The following SNTG1 variants were observed in gnomAD, a reference collection of about 807,000 sequenced individuals.
SNTG1 encodes syntrophin gamma 1, also known as gamma-1-syntrophin.
A neutral mutation model predicts 74.7 loss-of-function variants in SNTG1; 39 were observed. That is an observed-to-expected ratio of 0.52 (90% CI 0.40 to 0.68). SNTG1 has a LOEUF of 0.68. SNTG1 is among the 30% of genes least tolerant of loss of function. SNTG1 has a pLI of 0.00. For missense variants in SNTG1, 685 were observed against 609.5 expected, an observed-to-expected ratio of 1.12 and a Z score of -1.30; for synonymous variants, 254 against 217.1, an observed-to-expected ratio of 1.17 and a Z score of -1.49.
Position 50,396,294 on chromosome 8 carries a change from A to G in SNTG1, c.27+2029A>G, listed in dbSNP as rs549859234. Among the ~76,000 whole-genome samples, 16 of 152,350 alleles carry G rather than the reference A, an allele frequency of 1.1e-4. No individual in the cohort carries two copies. The South Asian group carries it at 3.3e-3, about 32-fold the overall frequency. On this transcript the variant is annotated intron_variant, in intron 3 of 18. Transcript: ENST00000642720. ...ACTATATGTGATGCCAAAAGACAAT[A>G]GTGATCAATTTTGGGGTAAATATTT...
At chr8:50,301,836 GT>G (rs2089661233) in intron 2 of SNTG1, among the ~76,000 whole-genome samples, 1 of 144,976 alleles carries the variant, frequency 6.9e-6, no homozygotes, top group African/African-American at 2.5e-5. Flanking sequence ...TTTTGTTTTT[GT>G]TTTTGTTTTC....
rs141061571 is a variant in SNTG1, at chr8:50,197,171, C to T, written c.-28+24536C>T. Among the ~76,000 whole-genome samples the T allele has an allele frequency of 1.7e-3, 262 of 152,214 alleles. 4 individuals carry two copies. The East Asian group carries it at 0.047, about 27-fold the overall frequency. ...CATATTTATTTTTCTTTGTGGTCTT[C>T]ACTTGCAAATAGTTGAATTAATCAT... On this transcript the variant is annotated intron_variant, in intron 2 of 18. Coordinates refer to ENST00000642720, the MANE Select transcript of SNTG1 (RefSeq NM_018967.5).
intron 1 of SNTG1, among the ~76,000 whole-genome samples, chr8:50,146,359 T>C (rs1431493361): frequency 1.3e-5 from 2 of 151,598 alleles, no homozygotes; most frequent in Non-Finnish European, 2.9e-5. Context: ...CTGTACTAAA[T>C]ACAAAAAAAT....
chr8:50,096,401 A>G (rs1039494256), intron 1 of SNTG1, among the ~76,000 whole-genome samples: 1 of 152,230 alleles, frequency 6.6e-6, no homozygotes, highest in East Asian at 1.9e-4. Flanking sequence ...CTTATTGGAT[A>G]GAAGTGGCGA....
chr8:49,981,874 G>A lies in SNTG1; in HGVS notation c.-103+69643G>A, dbSNP rs143852347. Among the ~76,000 whole-genome samples the A allele has an allele frequency of 8.9e-3, 1,360 of 152,076 alleles. 15 individuals carry two copies. The highest frequency in any genetic ancestry group is 0.016 in the Non-Finnish European group (1,057 of 67,974). On this transcript the variant is annotated intron_variant, in intron 1 of 18. Transcript: ENST00000642720. ...GTAGACTTTCTAAAAAGTCTTTGTA[G>A]TGAAATAAAAAATATTTTAAAAGTT...
intron 4 of SNTG1, among the ~76,000 whole-genome samples, chr8:50,403,142 G>A (rs1278831884): frequency 1.3e-5 from 2 of 152,158 alleles, no homozygotes; most frequent in African/African-American, 4.8e-5. Context: ...ATTACAGACA[G>A]TAGCATGTAG....
intron 2 of SNTG1, among the ~76,000 whole-genome samples, chr8:50,259,537 A>G (rs1263708001): frequency 3.9e-5 from 1 of 25,612 alleles, no homozygotes; most frequent in African/African-American, 5.8e-5. Flanking sequence ...AGAAAGAAAG[A>G]AAGAAAGAAA....
rs926660973 is a variant in SNTG1 at position 50,246,650 on chromosome 8, G to A, written c.-28+74015G>A. ...GAGAGGAATGAATAGGAGCATTATCGTGGTGAAGAAGGGCTCTTTGGTGAA... is the reference window on the plus strand; with the variant it reads ...GAGAGGAATGAATAGGAGCATTATCATGGTGAAGAAGGGCTCTTTGGTGAA... On this transcript the variant is annotated intron_variant, in intron 2 of 18. Transcript: ENST00000642720. 2.6e-5 allele frequency among the ~76,000 whole-genome samples: 4 copies of A among 152,080 alleles called. 1 individual carries two copies. The highest frequency in any genetic ancestry group is 9.7e-5 in the African/African-American group (4 of 41,402).
At chr8:50,712,211 C>T (rs1211244335) in intron 17 of SNTG1, among the ~76,000 whole-genome samples, 1 of 151,998 alleles carries the variant, frequency 6.6e-6, no homozygotes, top group African/African-American at 2.4e-5. Context: ...ACTATCCAGA[C>T]AGATATCTGT....
At position 49,999,240 on chromosome 8, in the gene SNTG1, G is replaced by A. The variant is rs545749816; in HGVS notation, c.-103+87009G>A. Among the ~76,000 whole-genome samples the A allele has an allele frequency of 2.0e-5, 3 of 152,160 alleles. No homozygotes were observed. In the South Asian group the frequency reaches 6.2e-4, roughly 32 times the overall value. Reference sequence around the variant, plus strand: ...AACTTTTCTACTTTTCTTTAACGGTGCCCAGTTTCACAGTTGCTGAAGTCA... The same window carrying A: ...AACTTTTCTACTTTTCTTTAACGGTACCCAGTTTCACAGTTGCTGAAGTCA... On this transcript the variant is annotated intron_variant, in intron 1 of 18. Coordinates refer to ENST00000642720, the MANE Select transcript of SNTG1 (RefSeq NM_018967.5).
chr8:50,407,816 G>A (rs1037166879), intron 4 of SNTG1, among the ~76,000 whole-genome samples: 8 of 152,158 alleles, frequency 5.3e-5, no homozygotes, highest in African/African-American at 9.7e-5. Flanking sequence ...AGTTTGGTGG[G>A]CAGGCAGCTA....
At chr8:50,053,718 A>G (rs1819782376) in intron 1 of SNTG1, among the ~76,000 whole-genome samples, 1 of 150,512 alleles carries the variant, frequency 6.6e-6, no homozygotes, top group Non-Finnish European at 1.5e-5. Flanking sequence ...AAAACTTCCA[A>G]ATTAGTAACA....
intron 2 of SNTG1, among the ~76,000 whole-genome samples, chr8:50,389,688 AC>A (rs2092627285): frequency 6.6e-6 from 1 of 152,178 alleles, no homozygotes; most frequent in African/African-American, 2.4e-5. Flanking sequence ...GAACTAGTTT[AC>A]AGTCCCACCA....
chr8:50,604,582 C>T (rs1032516865), intron 13 of SNTG1, among the ~76,000 whole-genome samples: 1 of 152,098 alleles, frequency 6.6e-6, no homozygotes, highest in Non-Finnish European at 1.5e-5. Flanking sequence ...CACTTAAAGT[C>T]CAAGGGCTCT....
chr8:50,526,255 C>G (rs2094218519), intron 9 of SNTG1, among the ~76,000 whole-genome samples: 1 of 151,920 alleles, frequency 6.6e-6, no homozygotes, highest in Admixed American at 6.6e-5. Flanking sequence ...GAAACCAGAC[C>G]CTTGTGCACT....
chr8:50,128,761 TG>T (rs2081224630), intron 1 of SNTG1, among the ~76,000 whole-genome samples: 1 of 152,172 alleles, frequency 6.6e-6, no homozygotes, highest in Non-Finnish European at 1.5e-5. Context: ...GTTTCATAAA[TG>T]TTAGTTCTAA....
At chr8:50,606,841 CT>C (rs5891377) in intron 13 of SNTG1, among the ~76,000 whole-genome samples, 10,534 of 151,392 alleles carry the variant, frequency 0.07, 692 homozygotes, top group African/African-American at 0.17. Context: ...TGCCTTATGC[CT>C]TTTTTTTATT....
chr8:50,547,088 G>A (rs886861778), intron 11 of SNTG1, among the ~76,000 whole-genome samples: 9 of 152,038 alleles, frequency 5.9e-5, no homozygotes. Context: ...CGGCAGAGAA[G>A]GAAGACTCAA....
At chr8:50,271,977 A>G (rs957222776) in intron 2 of SNTG1, among the ~76,000 whole-genome samples, 2 of 152,070 alleles carry the variant, frequency 1.3e-5, no homozygotes, top group African/African-American at 4.8e-5. Context: ...TGTTTTTTTG[A>G]CCAGGTGAGA....
Sources: gnomAD v4.1 joint callset for allele counts (sites outside exome capture counted in the v4.1 genomes callset) on GRCh38, gnomAD v4.1.1 for gene constraint, MANE v1.5 for transcripts, NCBI Gene and HGNC (gene_info 2026-07-23, HGNC 2026-07-21) for gene names.